The following RABGAP1L variants were observed in gnomAD, a reference collection of about 807,000 sequenced individuals.
RABGAP1L encodes the protein RAB GTPase activating protein 1 like, also known as rab GTPase-activating protein 1-like.
A neutral mutation model predicts 137.7 loss-of-function variants in RABGAP1L; 63 were observed. That is an observed-to-expected ratio of 0.46 (90% CI 0.37 to 0.56). RABGAP1L has a LOEUF of 0.56. RABGAP1L is among the 20% of genes least tolerant of loss of function. The probability of loss-of-function intolerance (pLI) is 0.00; values close to 1 mark genes in which losing one functional copy is unlikely to be tolerated. For missense variants in RABGAP1L, 1,095 were observed against 1,244.0 expected (o/e 0.88, Z 1.80); for synonymous variants, 431 against 433.7 (o/e 0.99, Z 0.08).
chr1:174,909,567 T>C (rs1558220696), intron 19 of RABGAP1L, among the ~76,000 whole-genome samples: 1 of 152,028 alleles, frequency 6.6e-6, no homozygotes, highest in Non-Finnish European at 1.5e-5. Context: ...ATAAAATAAA[T>C]TAAAACTATG....
intron 5 of RABGAP1L, 79 bp downstream of exon 5, chr1:174,241,736 T>C: frequency 8.7e-7 from 1 of 1,143,840 alleles, no homozygotes; most frequent in Admixed American, 2.7e-5. Flanking sequence ...CACTGTTGTA[T>C]AAATATGTTA....
intron 11 of RABGAP1L, among the ~76,000 whole-genome samples, chr1:174,359,774 CCT>C (rs1195786608): frequency 6.6e-6 from 1 of 152,186 alleles, no homozygotes; most frequent in Non-Finnish European, 1.5e-5. Context: ...AGTTACTTAA[CCT>C]CTCTCTGCCT....
At chr1:174,384,373 A>G (rs543888782) in intron 12 of RABGAP1L, among the ~76,000 whole-genome samples, 1 of 152,284 alleles carries the variant, frequency 6.6e-6, no homozygotes, top group South Asian at 2.1e-4. Context: ...GCATTTGTCA[A>G]ATCTCACAGA....
intron 13 of RABGAP1L, among the ~76,000 whole-genome samples, chr1:174,636,396 C>T (rs954680241): frequency 2.0e-5 from 3 of 151,870 alleles, no homozygotes; most frequent in Admixed American, 6.6e-5. Context: ...GGCGTGGTGG[C>T]GGGCACCTGT....
At chr1:174,946,947 T>G (rs1340428260) in intron 19 of RABGAP1L, among the ~76,000 whole-genome samples, 1 of 71,834 alleles carries the variant, frequency 1.4e-5, no homozygotes, top group African/African-American at 4.8e-5. Flanking sequence ...TATATGTGTG[T>G]GTGTGTGTGT....
intron 21 of RABGAP1L, among the ~76,000 whole-genome samples, chr1:174,975,691 A>G (rs1670583630): frequency 6.6e-6 from 1 of 152,206 alleles, no homozygotes; most frequent in Non-Finnish European, 1.5e-5. Context: ...ATCCATCTAC[A>G]CAGAGTGAGT....
intron 13 of RABGAP1L, among the ~76,000 whole-genome samples, chr1:174,552,941 C>T (rs2147992223): frequency 6.6e-6 from 1 of 152,292 alleles, no homozygotes; most frequent in East Asian, 1.9e-4. Flanking sequence ...GATGGTATCT[C>T]ATTGTGGTTT....
intron 11 of RABGAP1L, among the ~76,000 whole-genome samples, chr1:174,324,539 T>C (rs1024744977): frequency 5.3e-5 from 8 of 152,188 alleles, no homozygotes; most frequent in African/African-American, 1.9e-4. Flanking sequence ...TTAGAAATAG[T>C]CTTAAACTGT....
At chr1:174,462,564 A>G (rs1477897893) in intron 13 of RABGAP1L, among the ~76,000 whole-genome samples, 2 of 152,140 alleles carry the variant, frequency 1.3e-5, no homozygotes, top group Non-Finnish European at 2.9e-5. Context: ...TTCAGGGGCT[A>G]TATGTGCAAG....
At chr1:174,675,642 T>C (rs1677566245) in intron 14 of RABGAP1L, among the ~76,000 whole-genome samples, 1 of 152,118 alleles carries the variant, frequency 6.6e-6, no homozygotes, top group Non-Finnish European at 1.5e-5. Context: ...ATTGGTAGCT[T>C]GATGGGGATG....
chr1:174,946,897 T>A, intron 19 of RABGAP1L, among the ~76,000 whole-genome samples: 1 of 35,044 alleles, frequency 2.9e-5, no homozygotes, highest in Non-Finnish European at 4.9e-5. Context: ...CGAGACTCCA[T>A]CTCAAAAAAA....
intron 9 of RABGAP1L, 104 bp from the exon 10 acceptor site, chr1:174,278,509 T>C: frequency 1.2e-6 from 1 of 863,450 alleles, no homozygotes; most frequent in Non-Finnish European, 1.8e-6. Flanking sequence ...TAGAAGGTAT[T>C]ACAATTGTAA....
rs1326938414 is a variant in RABGAP1L at position 174,448,243 on chromosome 1, A to G, written c.1710+54098A>G. On this transcript the variant is annotated intron_variant, in intron 13 of 25. Transcript: ENST00000681986. This position sits in a 1 kb window ranked among gnomAD's most constrained non-coding sequence, Gnocchi z 4.2. ...TGGTGGATGTCTGCATCTTCGAGAC[A>G]GTGGTTATTGTGTTGCTGACATTTC... 1 of 1,614,080 alleles carries G rather than the reference A, an allele frequency of 6.2e-7. No individual in the cohort carries two copies.
At chr1:174,486,343 G>C (rs1015775592) in intron 13 of RABGAP1L, among the ~76,000 whole-genome samples, 1 of 133,702 alleles carries the variant, frequency 7.5e-6, no homozygotes, top group African/African-American at 2.8e-5. Flanking sequence ...ATTTATTTCT[G>C]CTCTGATCTT....
rs147849286 is a variant in RABGAP1L at position 174,850,658 on chromosome 1, C to G, written c.2340+38698C>G. 1.5e-3 allele frequency among the ~76,000 whole-genome samples: 225 copies of G among 152,218 alleles called. 2 individuals carry two copies. Among genetic ancestry groups the G allele is most frequent in the Non-Finnish European group, 2.6e-3 (175 of 68,022 alleles). On this transcript the variant is annotated intron_variant, in intron 19 of 25. Transcript: ENST00000681986. The stretch of plus-strand genomic sequence containing the variant: ...CCTCCCTTCCCCAAAGATGTCCCAC[C>G]GTAATTCCTGGAATCATGATGAATA...
chr1:174,872,867 T>C (rs909801283), intron 19 of RABGAP1L, among the ~76,000 whole-genome samples: 1 of 152,124 alleles, frequency 6.6e-6, no homozygotes, highest in Non-Finnish European at 1.5e-5. Flanking sequence ...GTGAACACTG[T>C]GAACATTTTG....
At position 174,516,388 on chromosome 1, in the gene RABGAP1L, T is replaced by C. The variant is rs1225365215; in HGVS notation, c.1711-120987T>C. On this transcript the variant is annotated intron_variant, in intron 13 of 25. Coordinates refer to ENST00000681986, the MANE Select transcript of RABGAP1L (RefSeq NM_001366446.1). ...AAAAATACAAAAATGCGACTAATTTTTGAATTTTTTGTAGAGATGGGGGTC... is the reference window on the plus strand; with the variant it reads ...AAAAATACAAAAATGCGACTAATTTCTGAATTTTTTGTAGAGATGGGGGTC... Among the ~76,000 whole-genome samples, 4 of 152,150 alleles carry C rather than the reference T, an allele frequency of 2.6e-5. No homozygotes were observed. In the East Asian group the frequency reaches 7.7e-4, roughly 29 times the overall value.
intron 19 of RABGAP1L, among the ~76,000 whole-genome samples, chr1:174,951,021 G>C (rs527590837): frequency 6.6e-6 from 1 of 152,284 alleles, no homozygotes; most frequent in African/African-American, 2.4e-5. Context: ...CTGAGCACAG[G>C]AGAAATGCTC....
intron 13 of RABGAP1L, among the ~76,000 whole-genome samples, chr1:174,500,839 A>G (rs1027055766): frequency 8.5e-5 from 13 of 152,140 alleles, no homozygotes; most frequent in Admixed American, 2.6e-4. Flanking sequence ...TCATGAGGAC[A>G]TGGGCCTTCT....
Sources: gnomAD v4.1 joint callset for allele counts (sites outside exome capture counted in the v4.1 genomes callset) on GRCh38, gnomAD v4.1.1 for gene constraint, Gnocchi (gnomAD v3.1) non-coding constraint, MANE v1.5 for transcripts, NCBI Gene and HGNC (gene_info 2026-07-23, HGNC 2026-07-21) for gene names.